TET3: variants seen among roughly 807,000 people sequenced by gnomAD.
TET3 encodes methylcytosine dioxygenase TET3.
TET3 carries 19 observed loss-of-function variants against 141.4 expected under a neutral mutation model. That is an observed-to-expected ratio of 0.13 (90% CI 0.09 to 0.20). The LOEUF is 0.20. TET3 is among the 10% of genes least tolerant of loss of function. TET3 has a pLI of 1.00. For synonymous variants in TET3, 1,043 were observed against 980.9 expected (o/e 1.06, Z -1.18); for missense variants, 1,874 against 2,356.9 (o/e 0.80, Z 4.24).
intron 3 of TET3, among the ~76,000 whole-genome samples, chr2:74,045,835 C>T (rs769659341): frequency 2.6e-5 from 4 of 152,226 alleles, no homozygotes; most frequent in Non-Finnish European, 5.9e-5. Flanking sequence ...CCTACCCCTA[C>T]GAACCCACAC....
At chr2:74,129,497 G>C in the TET3 span, among the ~76,000 whole-genome samples, 1 of 148,188 alleles carries the variant, frequency 6.7e-6, no homozygotes, top group African/African-American at 2.5e-5. Context: ...GCCAGGAGTG[G>C]TGGCAGGCAC....
chr2:74,101,148 G>A lies in TET3; in HGVS notation c.4360G>A (p.Gly1454Ser). 1 of 1,613,886 alleles carries A rather than the reference G, an allele frequency of 6.2e-7. No individual in the cohort carries two copies. Among genetic ancestry groups the A allele is most frequent in the Non-Finnish European group, 8.5e-7 (1 of 1,179,874 alleles). ...CCCCAAGAGGACTAACGGTGTGGGTGGCAGCTGGGGTGTGTTCTCGTCTGG... is the reference window on the plus strand; with the variant it reads ...CCCCAAGAGGACTAACGGTGTGGGTAGCAGCTGGGGTGTGTTCTCGTCTGG... Reference protein sequence around the residue: ...MSPKRTNGVGGSWGVFSSGES... With the variant: ...MSPKRTNGVGSSWGVFSSGES... Residue 1454 changes from glycine (G) to serine (S), a missense_variant, in exon 12 of 12, where the codon GGC becomes AGC. Transcript: ENST00000409262. The surrounding 1 kb of genome is among the most constrained non-coding windows in gnomAD (Gnocchi z 8.5).
chr2:73,984,774 C>A (rs945162189), upstream of TET3, among the ~76,000 whole-genome samples: 1 of 149,634 alleles, frequency 6.7e-6, no homozygotes, highest in Non-Finnish European at 1.5e-5. This position sits in a 1 kb window ranked among gnomAD's most constrained non-coding sequence, Gnocchi z 5.6. Context: ...GACCCCTCCC[C>A]TCCGCGGGAA....
At chr2:74,060,780 CCCTTAAT>C (rs1250043306) in intron 4 of TET3, among the ~76,000 whole-genome samples, 1 of 152,188 alleles carries the variant, frequency 6.6e-6, no homozygotes, top group Non-Finnish European at 1.5e-5. Context: ...TCTTGCACCG[CCCTTAAT>C]CCATTTAACC....
chr2:74,088,188 G>C, intron 7 of TET3, 150 bp downstream of exon 7: 1 of 836,818 alleles, frequency 1.2e-6, no homozygotes, highest in East Asian at 2.7e-5. Context: ...GTTGAGGAAG[G>C]CATATCCACA....
intron 2 of TET3, among the ~76,000 whole-genome samples, chr2:74,000,535 G>A (rs1199516357): frequency 2.6e-5 from 4 of 152,114 alleles, no homozygotes; most frequent in Non-Finnish European, 5.9e-5. Context: ...TTGCCAGGTC[G>A]GGGGAGGTGC....
chr2:74,012,546 C>T (rs931923593), intron 3 of TET3, among the ~76,000 whole-genome samples: 3 of 152,190 alleles, frequency 2.0e-5, no homozygotes, highest in Non-Finnish European at 4.4e-5. Flanking sequence ...AGTCCAGGAG[C>T]TTGACCAGAG....
At chr2:74,124,133 C>T in the TET3 span, among the ~76,000 whole-genome samples, 3 of 151,616 alleles carry the variant, frequency 2.0e-5, no homozygotes, top group Admixed American at 2.0e-4. Flanking sequence ...TGGGGGGCAG[C>T]CCCCGCCCCG....
chr2:74,065,635 CTTCT>C (rs1452284730), intron 4 of TET3, among the ~76,000 whole-genome samples: 1 of 150,156 alleles, frequency 6.7e-6, no homozygotes, highest in Non-Finnish European at 1.5e-5. Context: ...TCCTTCCTTC[CTTCT>C]CTTTCTCTCT....
intron 3 of TET3, among the ~76,000 whole-genome samples, chr2:74,035,234 G>A (rs184763329): frequency 2.7e-5 from 4 of 148,192 alleles, no homozygotes; most frequent in Admixed American, 6.8e-5. Flanking sequence ...TATTGGGGCC[G>A]GGCATGGTGG....
intron 4 of TET3, among the ~76,000 whole-genome samples, chr2:74,057,340 C>A (rs1411379517): frequency 1.3e-5 from 2 of 152,164 alleles, no homozygotes; most frequent in Non-Finnish European, 2.9e-5. Flanking sequence ...GAGGCATTGG[C>A]TCCAACAGAC....
At chr2:74,126,210 G>A in the TET3 span, among the ~76,000 whole-genome samples, 6 of 152,152 alleles carry the variant, frequency 3.9e-5, no homozygotes, top group African/African-American at 1.4e-4. Context: ...TTTTATATAT[G>A]GCACCAACTG....
chr2:74,080,045 G>A (rs1173343628), intron 5 of TET3, among the ~76,000 whole-genome samples: 1 of 152,162 alleles, frequency 6.6e-6, no homozygotes, highest in East Asian at 1.9e-4. Flanking sequence ...CATCATCATG[G>A]TCAAATGTCA....
At chr2:74,095,406 G>T (rs560962391) in intron 10 of TET3, among the ~76,000 whole-genome samples, 2 of 152,214 alleles carry the variant, frequency 1.3e-5, no homozygotes, top group Non-Finnish European at 2.9e-5. Flanking sequence ...GATCTGGATC[G>T]CAGAGCTTCT....
chr2:73,988,568 A>ATGGATC (rs1380440420), intron 2 of TET3, among the ~76,000 whole-genome samples: 154 of 152,252 alleles, frequency 1.0e-3, no homozygotes, highest in Middle Eastern at 6.8e-3. Flanking sequence ...TTAAGATATC[A>ATGGATC]TGGATCTGGG....
intron 3 of TET3, among the ~76,000 whole-genome samples, chr2:74,008,353 T>C (rs1685252199): frequency 6.6e-6 from 1 of 152,208 alleles, no homozygotes; most frequent in African/African-American, 2.4e-5. Flanking sequence ...GTCAGAGCCC[T>C]TGGAGCCCCT....
At chr2:74,002,723 A>G in intron 2 of TET3, 2 of 496,294 alleles carry the variant, frequency 4.0e-6, no homozygotes, top group Non-Finnish European at 3.5e-6. Flanking sequence ...CCTCCTCTGC[A>G]GTGCCTCCCT....
chr2:74,041,877 G>A (rs1272196049), intron 3 of TET3, among the ~76,000 whole-genome samples: 1 of 152,034 alleles, frequency 6.6e-6, no homozygotes, highest in Non-Finnish European at 1.5e-5. Context: ...TGTGGCTTGG[G>A]GCCTAAGTAT....
At chr2:74,096,450 C>A (rs1006673880) in intron 10 of TET3, among the ~76,000 whole-genome samples, 1 of 152,176 alleles carries the variant, frequency 6.6e-6, no homozygotes, top group East Asian at 1.9e-4. Flanking sequence ...AAACTGGATA[C>A]CTTGAGTTAT....
Sources: gnomAD v4.1 joint callset for allele counts (sites outside exome capture counted in the v4.1 genomes callset) on GRCh38, gnomAD v4.1.1 for gene constraint, Gnocchi (gnomAD v3.1) non-coding constraint, MANE v1.5 for transcripts, NCBI Gene and HGNC (gene_info 2026-07-23, HGNC 2026-07-21) for gene names.